The following ROR2 variants were observed in gnomAD, a reference collection of about 807,000 sequenced individuals.
ROR2 encodes tyrosine-protein kinase transmembrane receptor ROR2.
ROR2 carries 33 observed loss-of-function variants against 74.9 expected under a neutral mutation model. That is an observed-to-expected ratio of 0.44 (90% confidence interval 0.33 to 0.59). The LOEUF is 0.59. ROR2 is among the 20% of genes least tolerant of loss of function. The pLI, the probability that ROR2 is intolerant of heterozygous loss-of-function variation, is 0.02. For missense variants in ROR2, 1,216 were observed against 1,313.8 expected (o/e 0.93, Z 1.15); for synonymous variants, 586 against 558.7 (o/e 1.05, Z -0.69).
At position 91,862,830 on chromosome 9, in the gene ROR2, G is replaced by A. The variant is rs140907842; in HGVS notation, c.98-87012C>T. On this transcript the variant is annotated intron_variant, in intron 1 of 8. Coordinates refer to ENST00000375708, the MANE Select transcript of ROR2 (RefSeq NM_004560.4). Reference sequence around the variant, plus strand: ...CTGTTGTTTAAGCCCCCCAGTCTACGGTATTTTGTTATGGCAGCCCAAGCT... The same window carrying A: ...CTGTTGTTTAAGCCCCCCAGTCTACAGTATTTTGTTATGGCAGCCCAAGCT... 3.3e-5 allele frequency among the ~76,000 whole-genome samples: 5 copies of A among 152,248 alleles called. No homozygotes were observed. In the East Asian group the frequency reaches 5.8e-4, roughly 18 times the overall value.
At chr9:91,813,939 A>G (rs1417531659) in intron 1 of ROR2, among the ~76,000 whole-genome samples, 1 of 152,248 alleles carries the variant, frequency 6.6e-6, no homozygotes, top group Non-Finnish European at 1.5e-5. Context: ...GGCCTATGGG[A>G]CATGGTGGCA....
chr9:91,746,857 GGTGTGT>G (rs57891940), intron 4 of ROR2, among the ~76,000 whole-genome samples: 67,944 of 149,890 alleles, frequency 0.45, 15,466 homozygotes, highest in Non-Finnish European at 0.49. Context: ...TCCTTGAGCA[GGTGTGT>G]GTGTGTGTGT....
chr9:91,934,377 T>C (rs1831628497), intron 1 of ROR2, among the ~76,000 whole-genome samples: 2 of 152,162 alleles, frequency 1.3e-5, no homozygotes. Context: ...AGAAAATACG[T>C]AGCATTGTTT....
chr9:91,723,855 T>C lies in ROR2; in HGVS notation c.2639A>G (p.Asn880Ser). 1.2e-6 allele frequency: 2 copies of C among 1,613,930 alleles called. No individual in the cohort carries two copies. Among genetic ancestry groups the C allele is most frequent in the East Asian group, 2.2e-5 (1 of 44,858 alleles). Residue 880 changes from asparagine to serine, a missense_variant, in exon 9 of 9, where the codon AAC (asparagine) becomes AGC (serine). Asn to Ser is a conservative substitution (Grantham distance 46). Transcript: ENST00000375708. ...STGYVTTAPS[N>S]TSMADRAALL... The stretch of plus-strand genomic sequence containing the variant: ...GGCTGCCCTGTCTGCCATGGATGTG[T>C]TGGAGGGGGCCGTGGTGACGTAGCC...
chr9:91,913,322 G>T (rs920196947), intron 1 of ROR2, among the ~76,000 whole-genome samples: 1 of 152,166 alleles, frequency 6.6e-6, no homozygotes. Context: ...GATACCGGTT[G>T]AGCAGATTTT....
chr9:91,848,788 A>G (rs1232832199), intron 1 of ROR2, among the ~76,000 whole-genome samples: 4 of 148,058 alleles, frequency 2.7e-5, no homozygotes, highest in Non-Finnish European at 1.5e-5. Context: ...AAAAAAAAAC[A>G]GTTGGACCTA....
chr9:91,865,778 C>A (rs886135167), intron 1 of ROR2, among the ~76,000 whole-genome samples: 2 of 152,174 alleles, frequency 1.3e-5, no homozygotes, highest in Non-Finnish European at 2.9e-5. Flanking sequence ...GCCACATCAA[C>A]CTGCCTAAGG....
At chr9:91,862,348 G>GAGGAGGAGC (rs1336025346) in intron 1 of ROR2, among the ~76,000 whole-genome samples, 2 of 151,636 alleles carry the variant, frequency 1.3e-5, no homozygotes, top group Non-Finnish European at 2.9e-5. Flanking sequence ...AAAGGAGGAG[G>GAGGAGGAGC]AGGAGGAGCA....
chr9:91,797,033 T>C (rs1351439419), intron 1 of ROR2, among the ~76,000 whole-genome samples: 1 of 105,140 alleles, frequency 9.5e-6, no homozygotes, highest in Non-Finnish European at 1.9e-5. Context: ...CCCTGGGATC[T>C]GTGGATGGGG....
intron 1 of ROR2, among the ~76,000 whole-genome samples, chr9:91,813,697 C>A (rs142034566): frequency 6.6e-6 from 1 of 152,200 alleles, no homozygotes; most frequent in Non-Finnish European, 1.5e-5. Context: ...TCCTCAGCTG[C>A]GCTTTGCCAC....
At chr9:91,784,600 T>G (rs1251047888) in intron 1 of ROR2, among the ~76,000 whole-genome samples, 8 of 152,246 alleles carry the variant, frequency 5.3e-5, no homozygotes, top group African/African-American at 1.9e-4. Context: ...TGGCTGCTGT[T>G]AGTGGGTGTA....
At chr9:91,901,873 T>C (rs534354569) in intron 1 of ROR2, among the ~76,000 whole-genome samples, 9 of 151,498 alleles carry the variant, frequency 5.9e-5, no homozygotes, top group South Asian at 4.2e-4. Flanking sequence ...TATTTTTCCA[T>C]AGCTACTGTG....
chr9:91,864,634 C>T (rs1829574927), intron 1 of ROR2, among the ~76,000 whole-genome samples: 1 of 152,172 alleles, frequency 6.6e-6, no homozygotes, highest in Non-Finnish European at 1.5e-5. Context: ...TCACTCACAC[C>T]CACTCTCTCC....
rs371457206 is a variant in ROR2 at position 91,864,181 on chromosome 9, T to C, written c.97+85686A>G. 5.3e-5 allele frequency among the ~76,000 whole-genome samples: 8 copies of C among 152,214 alleles called. 1 individual carries two copies. The highest frequency in any genetic ancestry group is 3.8e-4 in the East Asian group (2 of 5,200). The stretch of plus-strand genomic sequence containing the variant: ...ACTGCACACCTCTGTGTTCCCCGAA[T>C]TCAAATTCGACAGGAAAGGCCCCAG... On this transcript the variant is annotated intron_variant, in intron 1 of 8. Transcript: ENST00000375708.
At chr9:91,854,221 G>C (rs555224525) in intron 1 of ROR2, among the ~76,000 whole-genome samples, 2 of 152,308 alleles carry the variant, frequency 1.3e-5, no homozygotes, top group Middle Eastern at 6.8e-3. Flanking sequence ...GATAGCAGGG[G>C]GATGCACTGG....
intron 2 of ROR2, among the ~76,000 whole-genome samples, chr9:91,766,243 G>C (rs961860109): frequency 6.6e-6 from 1 of 152,158 alleles, no homozygotes; most frequent in Non-Finnish European, 1.5e-5. Context: ...TTCAGAATTC[G>C]GCCCTTGGTC....
chr9:91,726,444 G>T, intron 8 of ROR2, 97 bp downstream of exon 8: 1 of 1,140,664 alleles, frequency 8.8e-7, no homozygotes, highest in Non-Finnish European at 1.3e-6. Flanking sequence ...TATGTGCTAT[G>T]TATCAAGTAA....
intron 1 of ROR2, among the ~76,000 whole-genome samples, chr9:91,943,514 C>G (rs1831933358): frequency 6.6e-6 from 1 of 152,106 alleles, no homozygotes; most frequent in South Asian, 2.1e-4. Flanking sequence ...CAGTGAGCAC[C>G]CTGGCTACAA....
At chr9:91,888,582 C>T (rs982700975) in intron 1 of ROR2, among the ~76,000 whole-genome samples, 1 of 152,180 alleles carries the variant, frequency 6.6e-6, no homozygotes, top group Non-Finnish European at 1.5e-5. Context: ...GGCTGGGATG[C>T]GATTGAAGCT....
Sources: gnomAD v4.1 joint callset for allele counts (sites outside exome capture counted in the v4.1 genomes callset) on GRCh38, gnomAD v4.1.1 for gene constraint, MANE v1.5 for transcripts, NCBI Gene and HGNC (gene_info 2026-07-23, HGNC 2026-07-21) for gene names.